The following PEX14 variants were observed in gnomAD, a reference collection of about 807,000 sequenced individuals.
The protein encoded by PEX14 is peroxisomal biogenesis factor 14.
Under a neutral mutation model 49.5 loss-of-function variants are expected in PEX14, and 15 were observed. The observed-to-expected ratio is 0.30, with a 90% confidence interval of 0.20 to 0.47. The LOEUF (loss-of-function observed/expected upper bound fraction) is 0.47. Ranked by LOEUF, PEX14 falls within the 20% of genes least tolerant of loss-of-function variation. The pLI is 1.00. For synonymous variants in PEX14, 210 were observed against 212.7 expected (o/e 0.99, Z 0.11); for missense variants, 398 against 494.8 (o/e 0.80, Z 1.86).
At chr1:10,531,930 G>A (rs1638661406) in intron 2 of PEX14, among the ~76,000 whole-genome samples, 1 of 152,190 alleles carries the variant, frequency 6.6e-6, no homozygotes, top group Admixed American at 6.5e-5. Flanking sequence ...TCTTTTGTAG[G>A]AGAGTGGAAA....
Position 10,512,183 on chromosome 1 carries a change from C to G in PEX14, c.84+16862C>G, listed in dbSNP as rs1641896386. Among the ~76,000 whole-genome samples, 1 of 152,152 alleles carries G rather than the reference C, an allele frequency of 6.6e-6. No homozygotes were observed. The highest frequency in any genetic ancestry group is 2.1e-4 in the South Asian group (1 of 4,824). On this transcript the variant is annotated intron_variant, in intron 2 of 8. Transcript: ENST00000356607. The surrounding 1 kb of genome is among the most constrained non-coding windows in gnomAD (Gnocchi z 4.6). ...CCATGTTAGCCAGGATGGTCTCGACCTCCTGACCTCGTGATCTGCCCTCCT... is the reference window on the plus strand; with the variant it reads ...CCATGTTAGCCAGGATGGTCTCGACGTCCTGACCTCGTGATCTGCCCTCCT...
intron 3 of PEX14, among the ~76,000 whole-genome samples, chr1:10,570,172 A>C (rs945572346): frequency 6.6e-6 from 1 of 150,576 alleles, no homozygotes; most frequent in African/African-American, 2.4e-5. Context: ...GTATTGAATG[A>C]TTTTCTGCTC....
chr1:10,584,831 A>G (rs1210445365), intron 3 of PEX14, among the ~76,000 whole-genome samples: 1 of 152,234 alleles, frequency 6.6e-6, no homozygotes, highest in African/African-American at 2.4e-5. Context: ...ACATGGAAAC[A>G]TAGAAATGGC....
chr1:10,629,397 C>T lies in PEX14; in HGVS notation c.678-134C>T, dbSNP rs941174998. 5.6e-6 allele frequency: 4 copies of T among 715,496 alleles called. No homozygotes were observed. The highest frequency in any genetic ancestry group is 1.0e-5 in the Non-Finnish European group (4 of 396,878). 44.3% of individuals were successfully genotyped at this position (715,496 alleles called of 1,614,324 possible). On this transcript the variant is annotated intron_variant, in intron 8 of 8. Transcript: ENST00000356607. This position sits in a 1 kb window ranked among gnomAD's most constrained non-coding sequence, Gnocchi z 8.5. The stretch of plus-strand genomic sequence containing the variant: ...GAAAGGAGGGGTGGAAGGGCTCCAT[C>T]CTGTCCCTTGCCCAGTGTCCCTGGG...
intron 1 of PEX14, among the ~76,000 whole-genome samples, chr1:10,478,263 A>G (rs765221352): frequency 5.3e-5 from 8 of 152,116 alleles, no homozygotes; most frequent in Non-Finnish European, 8.8e-5. Flanking sequence ...TTATTATTCA[A>G]TTTAATAAGC....
rs1019320677 is a variant in PEX14 at position 10,623,253 on chromosome 1, A to G, written c.487+132A>G. The G allele has an allele frequency of 1.7e-5, 12 of 699,322 alleles. No homozygotes were observed. Among genetic ancestry groups the G allele is most frequent in the South Asian group, 1.1e-4 (7 of 65,878 alleles). 43.3% of individuals were successfully genotyped at this position (699,322 alleles called of 1,614,324 possible). ...TTATCTGCTCTGAGAATCTGTTCAC[A>G]TTTGCAAATGAAGCCGCCGTCATTT... is the stretch of plus-strand genomic sequence containing the variant. On this transcript the variant is annotated intron_variant, in intron 6 of 8. Coordinates refer to ENST00000356607, the MANE Select transcript of PEX14 (RefSeq NM_004565.3). The surrounding 1 kb of genome is among the most constrained non-coding windows in gnomAD (Gnocchi z 4.4).
At chr1:10,541,826 C>G (rs1027084466) in intron 3 of PEX14, among the ~76,000 whole-genome samples, 4 of 152,198 alleles carry the variant, frequency 2.6e-5, no homozygotes, top group African/African-American at 7.2e-5. Flanking sequence ...CAGAGATGCC[C>G]TGGCTTCCCC....
chr1:10,511,674 A>G (rs1338366480), intron 2 of PEX14, among the ~76,000 whole-genome samples: 1 of 152,050 alleles, frequency 6.6e-6, no homozygotes, highest in Non-Finnish European at 1.5e-5. Flanking sequence ...AGACCGTGGG[A>G]CTGTGACTTC....
At chr1:10,620,927 C>G (rs1185286868) in intron 5 of PEX14, among the ~76,000 whole-genome samples, 1 of 152,212 alleles carries the variant, frequency 6.6e-6, no homozygotes, top group Non-Finnish European at 1.5e-5. Context: ...GACACGAACG[C>G]CAGAGTCCTC....
rs1468577014 is a variant in PEX14, at chr1:10,539,765, G to C, written c.169+3468G>C. On this transcript the variant is annotated intron_variant, in intron 3 of 8. Transcript: ENST00000356607. The surrounding 1 kb of genome is among the most constrained non-coding windows in gnomAD (Gnocchi z 4.6). ...TTGTGTTGATTTGACACCCTATCCA[G>C]CCACAAAATGTAGGAGGCAGTCTGC... 1.3e-5 allele frequency among the ~76,000 whole-genome samples: 2 copies of C among 151,562 alleles called. No individual in the cohort carries two copies. Among genetic ancestry groups the C allele is most frequent in the Non-Finnish European group, 2.9e-5 (2 of 67,982 alleles).
intron 3 of PEX14, among the ~76,000 whole-genome samples, chr1:10,584,052 A>G (rs1353073329): frequency 6.6e-6 from 1 of 152,248 alleles, no homozygotes; most frequent in African/African-American, 2.4e-5. Context: ...AAGGTTTAAT[A>G]GGATCACCAG....
chr1:10,544,983 G>A (rs1163497621), intron 3 of PEX14, among the ~76,000 whole-genome samples: 23 of 152,006 alleles, frequency 1.5e-4, no homozygotes, highest in Admixed American at 1.5e-3. Flanking sequence ...GGCTGGTCTC[G>A]ATCTCCTGGG....
intron 1 of PEX14, among the ~76,000 whole-genome samples, chr1:10,488,867 A>T (rs776873006): frequency 5.3e-5 from 8 of 152,050 alleles, no homozygotes; most frequent in African/African-American, 7.2e-5. Context: ...TAAATACTTG[A>T]GTATAGTTGT....
At chr1:10,519,398 C>T (rs924784506) in intron 2 of PEX14, among the ~76,000 whole-genome samples, 26 of 152,022 alleles carry the variant, frequency 1.7e-4, no homozygotes, top group African/African-American at 2.4e-5. Context: ...AGAGGGAGAG[C>T]GGGGGCAGTA....
Position 10,494,981 on chromosome 1 carries a change from C to A in PEX14, c.37-293C>A, listed in dbSNP as rs1641533524. On this transcript the variant is annotated intron_variant, in intron 1 of 8. Transcript: ENST00000356607. The surrounding 1 kb of genome is among the most constrained non-coding windows in gnomAD (Gnocchi z 4.3). ...CGTGGATTTTGGGATGGTCCCCAGC[C>A]CTTGCTGCTCAGTAGGTGATCGTGG... The A allele has an allele frequency of 2.8e-6, 1 of 351,100 alleles. No homozygotes were observed. The highest frequency in any genetic ancestry group is 4.0e-6 in the Non-Finnish European group (1 of 250,008). The allele number at this position is 351,100 out of a possible 1,614,324, so 21.7% of individuals were successfully genotyped here. A position where few individuals can be genotyped will look rare whatever the true frequency, so the allele number is the denominator to read the frequency against.
intron 2 of PEX14, among the ~76,000 whole-genome samples, chr1:10,499,755 C>A (rs371877601): frequency 2.6e-5 from 4 of 152,212 alleles, no homozygotes; most frequent in African/African-American, 9.6e-5. Context: ...CCCCAAACTA[C>A]AATTTTTTCT....
intron 3 of PEX14, among the ~76,000 whole-genome samples, chr1:10,581,644 T>C (rs1019310327): frequency 2.0e-5 from 3 of 151,758 alleles, no homozygotes; most frequent in Admixed American, 6.6e-5. Flanking sequence ...CCAGATAAGC[T>C]TGAGGAACAT....
At chr1:10,570,854 T>TTTTTTG (rs1639952358) in intron 3 of PEX14, among the ~76,000 whole-genome samples, 1 of 144,028 alleles carries the variant, frequency 6.9e-6, no homozygotes, top group Non-Finnish European at 1.5e-5. Context: ...CAGGGTTTTT[T>TTTTTTG]TTTTTTTTTT....
chr1:10,512,726 G>A lies in PEX14; in HGVS notation c.84+17405G>A, dbSNP rs1404193475. Among the ~76,000 whole-genome samples the A allele has an allele frequency of 4.0e-5, 6 of 151,474 alleles. No individual in the cohort carries two copies. Among genetic ancestry groups the A allele is most frequent in the Non-Finnish European group, 8.8e-5 (6 of 67,952 alleles). On this transcript the variant is annotated intron_variant, in intron 2 of 8. Coordinates refer to ENST00000356607, the MANE Select transcript of PEX14 (RefSeq NM_004565.3). This position sits in a 1 kb window ranked among gnomAD's most constrained non-coding sequence, Gnocchi z 4.6. ...TTTAACTTTTATTTTTTATGATGGA[G>A]TCTTGCTCTGTCGCCAGGCTGGAGT...
Sources: gnomAD v4.1 joint callset for allele counts (sites outside exome capture counted in the v4.1 genomes callset) on GRCh38, gnomAD v4.1.1 for gene constraint, Gnocchi (gnomAD v3.1) non-coding constraint, MANE v1.5 for transcripts, NCBI Gene and HGNC (gene_info 2026-07-23, HGNC 2026-07-21) for gene names.